Variants in HERC1 observed in about 807,000 individuals in gnomAD.
HERC1 encodes probable E3 ubiquitin-protein ligase HERC1.
Under a neutral mutation model 554.3 loss-of-function variants are expected in HERC1, and 160 were observed. The observed-to-expected ratio is 0.29, with a 90% CI of 0.25 to 0.33. The LOEUF (loss-of-function observed/expected upper bound fraction) is 0.33, where lower values mean the gene tolerates loss of function less well. Among genes scored for constraint, HERC1 ranks in the 10% least tolerant of loss-of-function variants. The pLI is 1.00. For synonymous variants in HERC1, 2,175 were observed against 2,131.7 expected, an observed-to-expected ratio of 1.02 and a Z score of -0.56; for missense variants, 4,919 against 5,918.5, an observed-to-expected ratio of 0.83 and a Z score of 5.54.
At chr15:63,664,174 T>G (rs555982603) in intron 43 of HERC1, among the ~76,000 whole-genome samples, 1 of 152,328 alleles carries the variant, frequency 6.6e-6, no homozygotes, top group South Asian at 2.1e-4. Context: ...TCATCACTTC[T>G]TAAATTATAA....
intron 1 of HERC1, among the ~76,000 whole-genome samples, chr15:63,799,785 G>C (rs1217807558): frequency 6.6e-6 from 1 of 152,118 alleles, no homozygotes; most frequent in East Asian, 1.9e-4. Flanking sequence ...ACCCAGAAAG[G>C]AGTCAGAGAA....
At position 63,686,453 on chromosome 15, in the gene HERC1, A is replaced by G; in HGVS notation, c.6131T>C (p.Leu2044Pro). ...SFDPEKAQCC[L>P]VENGQILTHG... ...AGTTAAAATCTGTCCATTCTCCACTAGGCAACACTGAGCTTTCTCCGGGTC... is the reference window on the plus strand; with the variant it reads ...AGTTAAAATCTGTCCATTCTCCACTGGGCAACACTGAGCTTTCTCCGGGTC... The change falls in exon 34 of 78, where the codon CTA (leucine) becomes CCA (proline). Residue 2044 changes from leucine (L) to proline (P), a missense_variant. Physicochemically the swap from Leu to Pro is moderately conservative, Grantham distance 98. Transcript: ENST00000443617. The G allele has an allele frequency of 1.2e-6, 2 of 1,613,732 alleles. No homozygotes were observed. Among genetic ancestry groups the G allele is most frequent in the Non-Finnish European group, 1.7e-6 (2 of 1,179,660 alleles).
rs762845417 is a variant in HERC1 at position 63,698,681 on chromosome 15, T to C, written c.4905+47A>G. The C allele has an allele frequency of 5.5e-5, 86 of 1,557,634 alleles. No individual in the cohort carries two copies. The East Asian group carries it at 1.2e-3, about 22-fold the overall frequency. ...TAGAACTATACATTCAATGGTTCAG[T>C]TTTAAGTTTCCAGAGCTCTCATAAG... is the stretch of plus-strand genomic sequence containing the variant. On this transcript the variant is annotated intron_variant, in intron 26 of 77. Transcript: ENST00000443617.
Position 63,706,944 on chromosome 15 carries a change from TATTCATC to T in HERC1, c.4585-120_4585-114del, listed in dbSNP as rs1351370242. On this transcript the variant is annotated intron_variant, in intron 24 of 77. Transcript: ENST00000443617. ...CATGTAATTACAGCAATGTCTTACTTATTCATCATTCAAGTCAAACTAATAACAAAAT... is the reference window on the plus strand; with the variant it reads ...CATGTAATTACAGCAATGTCTTACTTATTCAAGTCAAACTAATAACAAAAT... 1.7e-5 allele frequency: 11 copies of T among 650,936 alleles called. No individual in the cohort carries two copies. The African/African-American group carries it at 2.0e-4, about 12-fold the overall frequency. 40.3% of individuals were successfully genotyped at this position (650,936 alleles called of 1,614,324 possible).
At chr15:63,635,735 G>A (rs773357689) in intron 65 of HERC1, among the ~76,000 whole-genome samples, 1 of 152,150 alleles carries the variant, frequency 6.6e-6, no homozygotes, top group Non-Finnish European at 1.5e-5. Flanking sequence ...GCTGGCTCAC[G>A]AAAAAGACCA....
At position 63,626,070 on chromosome 15, in the gene HERC1, A is replaced by T; in HGVS notation, c.13190T>A (p.Val4397Glu). 6.2e-7 allele frequency: 1 copy of T among 1,613,676 alleles called. No homozygotes were observed. The highest frequency in any genetic ancestry group is 8.5e-7 in the Non-Finnish European group (1 of 1,179,760). The change falls in exon 71 of 78, where the codon GTG (valine) becomes GAG (glutamate). Residue 4397 changes from valine (V) to glutamate (E), a missense_variant. Physicochemically the swap from Val to Glu is moderately radical, Grantham distance 121 (BLOSUM62 -2). Coordinates refer to ENST00000443617, the MANE Select transcript of HERC1 (RefSeq NM_003922.4). ...GTAGAGCAGCCGGAGCCTGGCCCGC[A>T]CCGTGTGAATGCTGACTTCTCTCAG... is the stretch of plus-strand genomic sequence containing the variant. ...GALREVSIHT[V>E]RARLRLLYHF...
intron 12 of HERC1, among the ~76,000 whole-genome samples, chr15:63,743,263 C>CTTTTTTTTTTTTT (rs71131177): frequency 9.2e-6 from 1 of 109,174 alleles, no homozygotes; most frequent in Non-Finnish European, 1.8e-5. Flanking sequence ...TTTTCTTTTT[C>CTTTTTTTTTTTTT]TTTTTTTTTT....
chr15:63,643,701 A>C (rs1403507129), intron 57 of HERC1, among the ~76,000 whole-genome samples, 151 bp from the exon 58 acceptor site: 1 of 152,224 alleles, frequency 6.6e-6, no homozygotes, highest in Non-Finnish European at 1.5e-5. Context: ...AGCTTGACTG[A>C]ATCAGTAATA....
At chr15:63,806,495 G>A (rs80047978) in intron 1 of HERC1, among the ~76,000 whole-genome samples, 20,273 of 151,908 alleles carry the variant, frequency 0.13, 1,811 homozygotes, top group Middle Eastern at 0.21. Flanking sequence ...TATTATTTGC[G>A]TACCTGTCTT....
At chr15:63,826,405 T>C (rs948260591) in intron 1 of HERC1, among the ~76,000 whole-genome samples, 3 of 152,166 alleles carry the variant, frequency 2.0e-5, no homozygotes, top group Non-Finnish European at 2.9e-5. Context: ...ATACCATGGG[T>C]ATCAATACGT....
intron 33 of HERC1, among the ~76,000 whole-genome samples, chr15:63,687,157 T>C (rs534764858): frequency 3.4e-4 from 51 of 152,228 alleles, no homozygotes; most frequent in Non-Finnish European, 5.6e-4. Flanking sequence ...TGATCACATC[T>C]GTGCTTTATA....
intron 5 of HERC1, among the ~76,000 whole-genome samples, chr15:63,755,556 ATTGT>A (rs1015683602): frequency 2.0e-5 from 3 of 152,314 alleles, no homozygotes; most frequent in Admixed American, 6.5e-5. Context: ...AGGCAGGCAG[ATTGT>A]TTGAGCTCAG....
chr15:63,672,366 T>C, intron 39 of HERC1, 130 bp downstream of exon 39: 1 of 636,938 alleles, frequency 1.6e-6, no homozygotes, highest in Non-Finnish European at 2.6e-6. Flanking sequence ...AGCTTGACTA[T>C]ATAATCTCTT....
chr15:63,644,143 T>A lies in HERC1; in HGVS notation c.11185-593A>T, dbSNP rs140668677. 1.7e-3 allele frequency among the ~76,000 whole-genome samples: 263 copies of A among 152,288 alleles called. 4 individuals are homozygous for A. The highest frequency in any genetic ancestry group is 8.4e-3 in the Admixed American group (128 of 15,290). ...GTGAGTTGGCTACTCCTTCCCTCCC[T>A]CTCCACCCTTTCTCCCCATCCTTAA... On this transcript the variant is annotated intron_variant, in intron 57 of 77. Coordinates refer to ENST00000443617, the MANE Select transcript of HERC1 (RefSeq NM_003922.4).
At position 63,669,555 on chromosome 15, in the gene HERC1, C is replaced by G; in HGVS notation, c.8189G>C (p.Arg2730Thr). Residue 2730 changes from arginine (R) to threonine (T), a missense_variant, in exon 40 of 78, where the codon AGG becomes ACG. By Grantham distance (71) the Arg-to-Thr change is moderately conservative. This residue lies in a region of HERC1 where 1,963 missense variants were observed against 2,228.6 expected (regional missense o/e 0.88). Transcript: ENST00000443617. ...SLTSPDSQSA[R>T]PANRTALSDP... ...ACACGCACCTGTGCGGTTAGCTGGC[C>G]TTGCTGACTGGGAATCAGGAGAAGT... The G allele has an allele frequency of 6.2e-7, 1 of 1,613,828 alleles. No homozygotes were observed. The highest frequency in any genetic ancestry group is 1.1e-5 in the South Asian group (1 of 91,078).
At chr15:63,818,347 A>G (rs1352921574) in intron 1 of HERC1, among the ~76,000 whole-genome samples, 1 of 152,182 alleles carries the variant, frequency 6.6e-6, no homozygotes, top group African/African-American at 2.4e-5. Flanking sequence ...CACTAGTTTT[A>G]TCTTGTGTAC....
chr15:63,654,342 T>G lies in HERC1; in HGVS notation c.10085-18A>C. ...CAGAGGGCCTACAGCAGAAGGATCA[T>G]AGGAAGGATGGGCATACAATTGGGC... On this transcript the variant is annotated intron_variant, in intron 50 of 77. Transcript: ENST00000443617. 1 of 1,594,152 alleles carries G rather than the reference T, an allele frequency of 6.3e-7. No homozygotes were observed. The highest frequency in any genetic ancestry group is 2.2e-5 in the East Asian group (1 of 44,574).
chr15:63,662,796 A>G (rs2070426306), intron 44 of HERC1, among the ~76,000 whole-genome samples, 188 bp downstream of exon 44: 2 of 152,226 alleles, frequency 1.3e-5, no homozygotes, highest in African/African-American at 4.8e-5. Context: ...CAGAGAAAGC[A>G]AGAGAGACTT....
chr15:63,690,257 CAT>C (rs2072031870), intron 32 of HERC1, among the ~76,000 whole-genome samples: 3 of 151,858 alleles, frequency 2.0e-5, no homozygotes, highest in Non-Finnish European at 2.9e-5. Flanking sequence ...GACACTCCCA[CAT>C]GTTTCTTCCT....
Sources: allele counts gnomAD v4.1 joint callset (sites outside exome capture counted in the v4.1 genomes callset), GRCh38; gene constraint gnomAD v4.1.1; regional missense constraint gnomAD v4.1.1; transcripts MANE v1.5; gene names NCBI Gene and HGNC (gene_info 2026-07-23, HGNC 2026-07-21).